IQCM: variants seen among roughly 807,000 people sequenced by gnomAD.
IQCM encodes the protein IQ domain-containing protein M.
A neutral mutation model predicts 57.6 loss-of-function variants in IQCM; 45 were observed. The observed-to-expected ratio is 0.78, with a 90% CI of 0.62 to 1.00. The LOEUF (loss-of-function observed/expected upper bound fraction) is 1.00. Among genes scored for constraint, IQCM ranks in the 50% least tolerant of loss-of-function variants. The pLI is 0.00. For missense variants in IQCM, 468 were observed against 511.6 expected (o/e 0.91, Z 0.82); for synonymous variants, 148 against 158.9 (o/e 0.93, Z 0.51).
chr4:149,556,348 C>T (rs1009095485), intron 10 of IQCM, among the ~76,000 whole-genome samples: 25 of 151,472 alleles, frequency 1.7e-4, no homozygotes, highest in Non-Finnish European at 3.7e-4. Context: ...AGAATTCCGC[C>T]ATCACATGAC....
At chr4:149,437,075 T>C (rs759454843) in intron 12 of IQCM, among the ~76,000 whole-genome samples, 1 of 152,136 alleles carries the variant, frequency 6.6e-6, no homozygotes, top group Non-Finnish European at 1.5e-5. Context: ...AGCTGGTAAG[T>C]GGTGAAACCA....
At chr4:149,652,057 T>C (rs9995628) in intron 7 of IQCM, among the ~76,000 whole-genome samples, 68,798 of 151,918 alleles carry the variant, frequency 0.45, 15,810 homozygotes, top group South Asian at 0.57. Flanking sequence ...AACCCAAATG[T>C]CCATCAATAA....
intron 12 of IQCM, among the ~76,000 whole-genome samples, chr4:149,496,383 T>G (rs1742661820): frequency 6.6e-6 from 1 of 152,110 alleles, no homozygotes; most frequent in Non-Finnish European, 1.5e-5. Context: ...GCTTTGCAGA[T>G]GTAATGAAGT....
At chr4:149,411,904 T>C (rs1733407133) in intron 13 of IQCM, among the ~76,000 whole-genome samples, 5 of 152,218 alleles carry the variant, frequency 3.3e-5, no homozygotes, top group Admixed American at 3.3e-4. Context: ...GTTCTTTTTT[T>C]CTACTTCAGA....
At chr4:149,401,007 C>T (rs1022597546) in intron 13 of IQCM, among the ~76,000 whole-genome samples, 1 of 151,730 alleles carries the variant, frequency 6.6e-6, no homozygotes, top group African/African-American at 2.4e-5. Context: ...TTTTTATCAG[C>T]AATTCCTAAA....
chr4:149,694,418 G>T (rs548314006), intron 5 of IQCM, among the ~76,000 whole-genome samples: 1 of 151,440 alleles, frequency 6.6e-6, no homozygotes, highest in Non-Finnish European at 1.5e-5. Flanking sequence ...TAGAGACGGG[G>T]TATTAATTTC....
At chr4:149,487,038 T>C (rs1217660613) in intron 12 of IQCM, among the ~76,000 whole-genome samples, 1 of 152,154 alleles carries the variant, frequency 6.6e-6, no homozygotes, top group East Asian at 1.9e-4. Context: ...CTGGGAATGT[T>C]CTGGGTCACT....
At chr4:149,626,975 G>A (rs1756870681) in intron 7 of IQCM, among the ~76,000 whole-genome samples, 1 of 152,064 alleles carries the variant, frequency 6.6e-6, no homozygotes, top group South Asian at 2.1e-4. Context: ...CTACAATGTA[G>A]GTGCTGCTTT....
chr4:149,477,994 T>C (rs1047417728), intron 12 of IQCM, among the ~76,000 whole-genome samples: 2 of 152,202 alleles, frequency 1.3e-5, no homozygotes, highest in African/African-American at 4.8e-5. Context: ...GCTCTATGTT[T>C]CTGTTTATTA....
At chr4:149,686,579 T>G (rs1403337396) in intron 5 of IQCM, 111 bp from the exon 6 acceptor site, 3 of 418,940 alleles carry the variant, frequency 7.2e-6, no homozygotes, top group Admixed American at 4.5e-5. Flanking sequence ...CTATAATCTT[T>G]TAAAATGTTA....
chr4:149,713,842 T>C (rs935251063), intron 5 of IQCM, among the ~76,000 whole-genome samples: 1 of 152,144 alleles, frequency 6.6e-6, no homozygotes, highest in African/African-American at 2.4e-5. Flanking sequence ...TCTTCCTTTT[T>C]CTTCCTTCAC....
chr4:149,714,270 C>T (rs566956202), intron 5 of IQCM, among the ~76,000 whole-genome samples: 1 of 152,252 alleles, frequency 6.6e-6, no homozygotes, highest in South Asian at 2.1e-4. Flanking sequence ...CTTGCTGCTC[C>T]TTCTCAGTCT....
intron 2 of IQCM, among the ~76,000 whole-genome samples, chr4:149,757,739 A>ATGTGTGTGTG (rs71955935): frequency 3.0e-5 from 3 of 100,170 alleles, no homozygotes; most frequent in East Asian, 7.4e-4. Flanking sequence ...CTGATATTAT[A>ATGTGTGTGTG]TATGTGTGTG....
At chr4:149,583,362 T>C (rs1357502706) in intron 9 of IQCM, among the ~76,000 whole-genome samples, 6 of 151,640 alleles carry the variant, frequency 4.0e-5, no homozygotes, top group Non-Finnish European at 8.9e-5. Flanking sequence ...GAAAGGCTGA[T>C]GACCAGCCTC....
At chr4:149,648,493 T>C (rs1295767991) in intron 7 of IQCM, among the ~76,000 whole-genome samples, 2 of 152,204 alleles carry the variant, frequency 1.3e-5, no homozygotes, top group Non-Finnish European at 2.9e-5. Flanking sequence ...AAAAGTGCCG[T>C]AATAAACATA....
intron 2 of IQCM, among the ~76,000 whole-genome samples, chr4:149,799,054 T>C (rs1188821692): frequency 6.6e-6 from 1 of 151,258 alleles, no homozygotes; most frequent in Non-Finnish European, 1.5e-5. Flanking sequence ...TTTTTTTCAC[T>C]CAGCACATGG....
intron 13 of IQCM, among the ~76,000 whole-genome samples, chr4:149,357,419 A>T (rs1057076344): frequency 6.6e-6 from 1 of 152,178 alleles, no homozygotes; most frequent in African/African-American, 2.4e-5. Context: ...GATACGTCCC[A>T]TCAATACCTA....
intron 9 of IQCM, among the ~76,000 whole-genome samples, chr4:149,578,758 A>G (rs1751895242): frequency 6.6e-6 from 1 of 151,894 alleles, no homozygotes; most frequent in African/African-American, 2.4e-5. Context: ...TCAATGTTTT[A>G]TTGCCAACCA....
At chr4:149,790,098 TA>T (rs35053502) in intron 2 of IQCM, 21 of 671,388 alleles carry the variant, frequency 3.1e-5, no homozygotes, top group Non-Finnish European at 4.0e-5. Flanking sequence ...TCCTCACCAT[TA>T]AAAAAAGAAC....
Sources: gnomAD v4.1 joint callset for allele counts (sites outside exome capture counted in the v4.1 genomes callset) on GRCh38, gnomAD v4.1.1 for gene constraint, MANE v1.5 for transcripts, NCBI Gene and HGNC (gene_info 2026-07-23, HGNC 2026-07-21) for gene names.